The following USP40 variants were observed in gnomAD, a reference collection of about 807,000 sequenced individuals.
USP40 encodes the protein ubiquitin carboxyl-terminal hydrolase 40.
Under a neutral mutation model 166.2 loss-of-function variants are expected in USP40, and 143 were observed. The ratio of observed to expected loss-of-function variants is 0.86; its 90% CI spans 0.75 to 0.99. The LOEUF (loss-of-function observed/expected upper bound fraction) is 0.99. Among genes scored for constraint, USP40 ranks in the 50% least tolerant of loss-of-function variants. The pLI, the probability that USP40 is intolerant of heterozygous loss-of-function variation, is 0.00. For missense variants in USP40, 1,444 were observed against 1,479.7 expected (o/e 0.98, Z 0.40); for synonymous variants, 498 against 524.0 (o/e 0.95, Z 0.68).
In USP40 at chr2:233,533,637, G is replaced by A; in HGVS notation, c.1313C>T (p.Pro438Leu). Residue 438 changes from proline (P) to leucine (L), a missense_variant, in exon 11 of 32, where the codon CCA (proline) becomes CTA (leucine). Pro to Leu is a moderately conservative substitution (Grantham distance 98). Coordinates refer to ENST00000678225, the MANE Select transcript of USP40 (RefSeq NM_001365479.2). ...QIFKMLPPES[P>L]GLNNSISCPH... ...ACAGGAGATGCTATTGTTTAAACCT[G>A]GGGATTCTGGAGGAAGCATCTTGAA... 1 of 1,613,714 alleles carries A rather than the reference G, an allele frequency of 6.2e-7. No homozygotes were observed. The highest frequency in any genetic ancestry group is 1.7e-4 in the Middle Eastern group (1 of 6,058).
At chr2:233,506,646 G>T (rs2066433630) in intron 21 of USP40, among the ~76,000 whole-genome samples, 1 of 150,454 alleles carries the variant, frequency 6.6e-6, no homozygotes, top group African/African-American at 2.5e-5. Context: ...TGTAATACCA[G>T]CACTTTGGGA....
rs371578318 is a variant in USP40 at position 233,540,694 on chromosome 2, T to C, written c.1138A>G (p.Lys380Glu). The change falls in exon 10 of 32, where the codon AAG (lysine) becomes GAG (glutamate). Residue 380 changes from lysine to glutamate, a missense_variant. By Grantham distance (56) the Lys-to-Glu change is moderately conservative. Transcript: ENST00000678225. ...LKKIGISWNK[K>E]YRKQHGPLRK... ...AGTGGTCCATGCTGTTTTCTGTACTTCTTGTTCCAAGATATTCCTATCTTT... is the reference window on the plus strand; with the variant it reads ...AGTGGTCCATGCTGTTTTCTGTACTCCTTGTTCCAAGATATTCCTATCTTT... 2.5e-6 allele frequency: 4 copies of C among 1,612,848 alleles called. No homozygotes were observed. In the African/African-American group the frequency reaches 5.3e-5, roughly 22 times the overall value.
rs1482221186 is a variant in USP40 at position 233,519,646 on chromosome 2, G to A, written c.2351C>T (p.Ala784Val). The A allele has an allele frequency of 7.0e-7, 1 of 1,428,444 alleles. No individual in the cohort carries two copies. The highest frequency in any genetic ancestry group is 2.5e-5 in the East Asian group (1 of 39,832). 88.5% of individuals were successfully genotyped at this position (1,428,444 alleles called of 1,614,324 possible). The change falls in exon 18 of 32, where the codon GCC (alanine) becomes GTC (valine). Residue 784 changes from alanine (A) to valine (V), a missense_variant. Physicochemically the swap from Ala to Val is moderately conservative, Grantham distance 64. Transcript: ENST00000678225. ...CTTCATTAATTTTAATTCCTTTATG[G>A]CTTTAATTCGAATATCAAACACCAT... is the stretch of plus-strand genomic sequence containing the variant. ...NTMVFDIRIK[A>V]IKELKLMKEL...
intron 12 of USP40, among the ~76,000 whole-genome samples, chr2:233,528,270 C>T (rs1263931820): frequency 2.0e-5 from 3 of 152,130 alleles, no homozygotes; most frequent in Non-Finnish European, 2.9e-5. Flanking sequence ...TGAGCCACTG[C>T]GACCGGCCCC....
chr2:233,531,653 G>A (rs1020722479), intron 11 of USP40, among the ~76,000 whole-genome samples: 2 of 151,980 alleles, frequency 1.3e-5, no homozygotes, highest in Non-Finnish European at 2.9e-5. Context: ...TAACAGCATA[G>A]TTATGTAACT....
At chr2:233,548,144 T>C (rs879673954) in intron 8 of USP40, among the ~76,000 whole-genome samples, 4 of 152,038 alleles carry the variant, frequency 2.6e-5, no homozygotes, top group Non-Finnish European at 5.9e-5. Flanking sequence ...TAAATAGAAA[T>C]AGGTAATTTT....
rs2065447908 is a variant in USP40 at position 233,493,017 on chromosome 2, A to C, written c.2917+408T>G. 4.7e-6 allele frequency: 1 copy of C among 212,096 alleles called. No individual in the cohort carries two copies. Among genetic ancestry groups the C allele is most frequent in the African/African-American group, 2.3e-5 (1 of 43,708 alleles). 13.1% of individuals were successfully genotyped at this position (212,096 alleles called of 1,614,324 possible). A position where few individuals can be genotyped will look rare whatever the true frequency, so the allele number is the denominator to read the frequency against. Reference sequence around the variant, plus strand: ...TTCCTGAGGGTTTTGAGGCAGAAAGATTGGAAGACATGTAGGATGTGGACT... The same window carrying C: ...TTCCTGAGGGTTTTGAGGCAGAAAGCTTGGAAGACATGTAGGATGTGGACT... On this transcript the variant is annotated intron_variant, in intron 25 of 31. Transcript: ENST00000678225. This position sits in a 1 kb window ranked among gnomAD's most constrained non-coding sequence, Gnocchi z 4.7.
chr2:233,498,369 C>A (rs950544757), intron 23 of USP40, among the ~76,000 whole-genome samples, 179 bp downstream of exon 23: 2 of 152,222 alleles, frequency 1.3e-5, no homozygotes, highest in African/African-American at 2.4e-5. Context: ...TCCCACTGCA[C>A]TGTGACTTCC....
At chr2:233,488,392 T>C (rs879259705) in intron 27 of USP40, 88 bp from the exon 28 acceptor site, 130 of 1,283,300 alleles carry the variant, frequency 1.0e-4, no homozygotes, top group Non-Finnish European at 1.2e-4. Flanking sequence ...GCTTTTTTCT[T>C]AAGCAAAGAA....
intron 5 of USP40, among the ~76,000 whole-genome samples, chr2:233,554,843 T>C (rs1486480772): frequency 2.0e-5 from 3 of 152,222 alleles, no homozygotes; most frequent in African/African-American, 7.2e-5. Context: ...GAAGTGCATA[T>C]ATACAAGGTA....
chr2:233,555,364 ATG>A lies in USP40; in HGVS notation c.547-840_547-839del, dbSNP rs544744180. On this transcript the variant is annotated intron_variant, in intron 5 of 31. Transcript: ENST00000678225. ...ATTTAATTTATATTTATAGTTCTGT[ATG>A]TGTGTGCAACAGCTTTATTTTAAGA... Among the ~76,000 whole-genome samples the A allele has an allele frequency of 1.2e-3, 185 of 152,308 alleles. 2 individuals carry two copies. Among genetic ancestry groups the A allele is most frequent in the African/African-American group, 4.0e-3 (166 of 41,566 alleles).
rs1559204218 is a variant in USP40, at chr2:233,477,211, G to T, written c.*181C>A. ...CTGCACCAGCCCCCGTGGCTGCCACGTGTTGCAGAGCTAAGTGACTACATG... is the reference window on the plus strand; with the variant it reads ...CTGCACCAGCCCCCGTGGCTGCCACTTGTTGCAGAGCTAAGTGACTACATG... On this transcript the variant is annotated 3_prime_UTR_variant, in exon 32 of 32. Coordinates refer to ENST00000678225, the MANE Select transcript of USP40 (RefSeq NM_001365479.2). 4.7e-6 allele frequency: 3 copies of T among 632,712 alleles called. No individual in the cohort carries two copies. The highest frequency in any genetic ancestry group is 2.3e-5 in the Admixed American group (1 of 43,244). The allele number at this position is 632,712 out of a possible 1,614,324, so 39.2% of individuals were successfully genotyped here.
chr2:233,479,334 G>A lies in USP40; in HGVS notation c.3600-1831C>T, dbSNP rs558523719. On this transcript the variant is annotated intron_variant, in intron 31 of 31. Transcript: ENST00000678225. ...AATCCCAGTACTTTGGGAGGCCAAG[G>A]CGGGCTGATCACAAGGTCAAGAGAT... Among the ~76,000 whole-genome samples the A allele has an allele frequency of 5.5e-3, 842 of 152,292 alleles. 3 individuals carry two copies. Among genetic ancestry groups the A allele is most frequent in the Non-Finnish European group, 8.3e-3 (562 of 68,026 alleles).
intron 16 of USP40, among the ~76,000 whole-genome samples, chr2:233,521,558 T>C (rs375764043): frequency 9.9e-5 from 15 of 152,232 alleles, no homozygotes; most frequent in African/African-American, 3.1e-4. Flanking sequence ...TATTGTATAC[T>C]GCATTTCTAC....
chr2:233,551,062 C>T (rs936831562), intron 7 of USP40, among the ~76,000 whole-genome samples: 1 of 152,166 alleles, frequency 6.6e-6, no homozygotes, highest in Non-Finnish European at 1.5e-5. Flanking sequence ...ATCAGTGGTT[C>T]TCAAACAGGG....
intron 11 of USP40, 86 bp downstream of exon 11, chr2:233,533,393 T>G (rs1249051420): frequency 2.2e-6 from 3 of 1,391,646 alleles, no homozygotes; most frequent in African/African-American, 1.4e-5. Context: ...AACCTTTTTT[T>G]AAAAGAATAA....
chr2:233,491,163 T>C lies in USP40; in HGVS notation c.3012+4A>G. 1 of 1,599,346 alleles carries C rather than the reference T, an allele frequency of 6.3e-7. No homozygotes were observed. Among genetic ancestry groups the C allele is most frequent in the Non-Finnish European group, 8.5e-7 (1 of 1,171,054 alleles). On this transcript the variant is annotated splice_donor_region_variant and intron_variant, in intron 26 of 31. Transcript: ENST00000678225. ...CTAAGTTATGGTGCAGGAAGAAGTC[T>C]GACCTGAGACTTCAGCTCCGCCAGC...
rs572869979 is a variant in USP40, at chr2:233,561,113, A to T, written c.268-1189T>A. On this transcript the variant is annotated intron_variant, in intron 3 of 31. Coordinates refer to ENST00000678225, the MANE Select transcript of USP40 (RefSeq NM_001365479.2). ...CCACTTAATTCCTTCTTTAAAAAAAATTTTCTGAATACGCTAAAACACCCC... is the reference window on the plus strand; with the variant it reads ...CCACTTAATTCCTTCTTTAAAAAAATTTTTCTGAATACGCTAAAACACCCC... The T allele has an allele frequency of 3.3e-4, 510 of 1,545,884 alleles. 2 individuals are homozygous for T. The African/African-American group carries it at 5.9e-3, about 18-fold the overall frequency.
intron 20 of USP40, among the ~76,000 whole-genome samples, chr2:233,510,851 T>C (rs2066780200): frequency 6.6e-6 from 1 of 152,210 alleles, no homozygotes; most frequent in African/African-American, 2.4e-5. Flanking sequence ...GTTTCAAATA[T>C]TACAATTCTC....
Sources: gnomAD v4.1 joint callset for allele counts (sites outside exome capture counted in the v4.1 genomes callset) on GRCh38, gnomAD v4.1.1 for gene constraint, Gnocchi (gnomAD v3.1) non-coding constraint, MANE v1.5 for transcripts, NCBI Gene and HGNC (gene_info 2026-07-23, HGNC 2026-07-21) for gene names.